The following PDE12 variants were observed in gnomAD, a reference collection of about 807,000 sequenced individuals.
PDE12 encodes the protein phosphodiesterase 12, also known as 2',5'-phosphodiesterase 12.
Under a neutral mutation model 45.4 loss-of-function variants are expected in PDE12, and 26 were observed. The observed-to-expected ratio is 0.57, with a 90% CI of 0.42 to 0.79. The LOEUF is 0.79. PDE12 is among the 30% of genes least tolerant of loss of function. The pLI, the probability that PDE12 is intolerant of heterozygous loss-of-function variation, is 0.00. For missense variants in PDE12, 668 were observed against 790.0 expected (o/e 0.85, Z 1.85); for synonymous variants, 283 against 323.9 (o/e 0.87, Z 1.36).
At chr3:57,572,203 C>A in the PDE12 span, 1 of 1,608,856 alleles carries the variant, frequency 6.2e-7, no homozygotes, top group Non-Finnish European at 8.5e-7. Flanking sequence ...GTTAGATATC[C>A]AATTTCATTT....
the PDE12 span, among the ~76,000 whole-genome samples, chr3:57,640,926 C>T: frequency 6.6e-6 from 1 of 151,910 alleles, no homozygotes; most frequent in South Asian, 2.1e-4. Context: ...TAAACTCCTA[C>T]CATGAACAAG....
the PDE12 span, chr3:57,630,291 T>C: frequency 1.4e-6 from 1 of 739,108 alleles, no homozygotes; most frequent in Non-Finnish European, 2.1e-6. Context: ...ACATAGCACA[T>C]GATCTAGAAA....
At chr3:57,587,181 TG>T in the PDE12 span, among the ~76,000 whole-genome samples, 1 of 151,760 alleles carries the variant, frequency 6.6e-6, no homozygotes, top group African/African-American at 2.4e-5. Flanking sequence ...TAGCTGGATG[TG>T]GTGGCATATG....
rs754330122 is a variant in PDE12 at position 57,556,951 on chromosome 3, C to T, written c.572C>T (p.Ala191Val). 1 of 1,614,216 alleles carries T rather than the reference C, an allele frequency of 6.2e-7. No individual in the cohort carries two copies. Among genetic ancestry groups the T allele is most frequent in the Non-Finnish European group, 8.5e-7 (1 of 1,180,046 alleles). ...PKLSLEFGDP[A>V]SSLFRWYKEA... ...CTCAGCCTCGAATTTGGGGATCCCG[C>T]CAGCTCCCTTTTCCGCTGGTATAAG... Residue 191 changes from alanine (A) to valine (V), a missense_variant, in exon 1 of 3, where the codon GCC becomes GTC. Transcript: ENST00000311180. This position sits in a 1 kb window ranked among gnomAD's most constrained non-coding sequence, Gnocchi z 5.0.
the PDE12 span, among the ~76,000 whole-genome samples, chr3:57,604,179 C>T: frequency 3.3e-5 from 5 of 152,038 alleles, no homozygotes; most frequent in African/African-American, 1.2e-4. Flanking sequence ...ACCTTGGCCT[C>T]CCAAAGTGCT....
chr3:57,559,910 C>G lies in PDE12; in HGVS notation c.1736C>G (p.Pro579Arg). ...GAGGTTGAACAGGTGATTCCATTAC[C>G]TAGTCATGAAGAAGTTACCACCCAC... ...ALEVEQVIPL[P>R]SHEEVTTHQA... Residue 579 changes from proline to arginine, a missense_variant, in exon 3 of 3, where the codon CCT (proline) becomes CGT (arginine). By Grantham distance (103) the Pro-to-Arg change is moderately radical (BLOSUM62 -2). This residue lies in a region of PDE12 where 79 missense variants were observed against 97.9 expected (regional missense o/e 0.81). Coordinates refer to ENST00000311180, the MANE Select transcript of PDE12 (RefSeq NM_177966.7). The G allele has an allele frequency of 6.2e-7, 1 of 1,613,970 alleles. No individual in the cohort carries two copies. Among genetic ancestry groups the G allele is most frequent in the Non-Finnish European group, 8.5e-7 (1 of 1,180,030 alleles).
At chr3:57,639,800 T>A in the PDE12 span, among the ~76,000 whole-genome samples, 1 of 148,758 alleles carries the variant, frequency 6.7e-6, no homozygotes, top group African/African-American at 2.6e-5. Context: ...ATAAGGCTTC[T>A]AAAAATTTCA....
chr3:57,624,272 TC>T, the PDE12 span, among the ~76,000 whole-genome samples: 2 of 151,756 alleles, frequency 1.3e-5, no homozygotes, highest in Non-Finnish European at 2.9e-5. Context: ...TGCCTCAGCC[TC>T]CCCAGTAGCT....
At chr3:57,624,375 C>T in the PDE12 span, among the ~76,000 whole-genome samples, 1 of 152,044 alleles carries the variant, frequency 6.6e-6, no homozygotes, top group Non-Finnish European at 1.5e-5. Flanking sequence ...TGGTCTCGAT[C>T]TCCTGACCTT....
At position 57,557,294 on chromosome 3, in the gene PDE12, C is replaced by T. The variant is rs144336967; in HGVS notation, c.915C>T (p.Asp305=). The change falls in exon 1 of 3, where the codon GAC becomes GAT. Residue 305 remains aspartate (D), a synonymous_variant. Transcript: ENST00000311180. ...IRTVSYNILA[D]TYAQTEFSRT... ...CTGTCTCTTACAACATCCTGGCAGA[C>T]ACGTACGCGCAGACTGAGTTCTCGC... 1.9e-6 allele frequency: 3 copies of T among 1,613,948 alleles called. No individual in the cohort carries two copies. The highest frequency in any genetic ancestry group is 4.5e-5 in the East Asian group (2 of 44,866).
the PDE12 span, among the ~76,000 whole-genome samples, chr3:57,637,979 CA>C: frequency 6.6e-6 from 1 of 151,374 alleles, no homozygotes; most frequent in African/African-American, 2.4e-5. Flanking sequence ...ACTAAAAATA[CA>C]AAAATCAGCT....
At chr3:57,634,514 C>A in the PDE12 span, 1 of 1,120,542 alleles carries the variant, frequency 8.9e-7, no homozygotes, top group East Asian at 2.7e-5. Context: ...ATATTACATA[C>A]CTGAACAAGG....
chr3:57,639,344 A>T, the PDE12 span, among the ~76,000 whole-genome samples: 1 of 152,212 alleles, frequency 6.6e-6, no homozygotes, highest in African/African-American at 2.4e-5. Flanking sequence ...ACTTTGGCAA[A>T]CAGTTTGGTG....
rs2153407705 is a variant in PDE12 at position 57,563,424 on chromosome 3, CAT to C, written c.*3421_*3422del. On this transcript the variant is annotated 3_prime_UTR_variant, in exon 3 of 3. Transcript: ENST00000311180. ...CGTGCAGATTTGTTACATAGGTATA[CAT>C]GTGCCATGTTGGTTTGCTGCACCCG... The C allele has an allele frequency of 6.6e-6, 1 of 152,246 alleles. No individual in the cohort carries two copies. Among genetic ancestry groups the C allele is most frequent in the Admixed American group, 6.5e-5 (1 of 15,284 alleles). 9.4% of individuals were successfully genotyped at this position (152,246 alleles called of 1,614,324 possible).
At chr3:57,639,656 C>T in the PDE12 span, among the ~76,000 whole-genome samples, 26 of 152,282 alleles carry the variant, frequency 1.7e-4, no homozygotes, top group Middle Eastern at 3.4e-3. Flanking sequence ...ATGCCATTTA[C>T]AGAGTACCAT....
rs566743768 is a variant in PDE12 at position 57,556,627 on chromosome 3, T to G, written c.248T>G (p.Leu83Arg). Residue 83 changes from leucine (L) to arginine (R), a missense_variant, in exon 1 of 3, where the codon CTA becomes CGA. By Grantham distance (102) the Leu-to-Arg change is moderately radical. Transcript: ENST00000311180. The surrounding 1 kb of genome is among the most constrained non-coding windows in gnomAD (Gnocchi z 5.0). ...CTCAGCCGCATCGCTACCAATGCCC[T>G]AAAGGGTCACGCTAAGGCGGCCGCC... The part of the protein sequence containing the change: ...RVLSRIATNA[L>R]KGHAKAAAAK... The G allele has an allele frequency of 1.2e-6, 2 of 1,608,938 alleles. No homozygotes were observed. The highest frequency in any genetic ancestry group is 2.7e-5 in the African/African-American group (2 of 74,940).
chr3:57,616,469 AGAAG>A, the PDE12 span, among the ~76,000 whole-genome samples: 23 of 149,492 alleles, frequency 1.5e-4, no homozygotes, highest in East Asian at 3.9e-4. Flanking sequence ...AGGAGGAGAA[AGAAG>A]GAAGAAGAAA....
chr3:57,583,839 A>G, the PDE12 span: 1 of 1,228,944 alleles, frequency 8.1e-7, no homozygotes, highest in African/African-American at 1.5e-5. Flanking sequence ...GATACTAATA[A>G]AAACTTTAGA....
chr3:57,605,559 T>TA, the PDE12 span, among the ~76,000 whole-genome samples: 3 of 152,110 alleles, frequency 2.0e-5, no homozygotes, highest in Non-Finnish European at 4.4e-5. Context: ...TAAAAAATTA[T>TA]AAAAAACCTG....
Sources: allele counts gnomAD v4.1 joint callset (sites outside exome capture counted in the v4.1 genomes callset), GRCh38; gene constraint gnomAD v4.1.1; regional missense constraint gnomAD v4.1.1; non-coding constraint Gnocchi (gnomAD v3.1); transcripts MANE v1.5; gene names NCBI Gene and HGNC (gene_info 2026-07-23, HGNC 2026-07-21).